The following EFCAB6 variants were observed in gnomAD, a reference collection of about 807,000 sequenced individuals.
EFCAB6 encodes EF-hand calcium binding domain 6.
Under a neutral mutation model 169.8 loss-of-function variants are expected in EFCAB6, and 156 were observed. That is an observed-to-expected ratio of 0.92 (90% CI 0.81 to 1.05). The LOEUF (loss-of-function observed/expected upper bound fraction) is 1.05. Ranked by LOEUF, EFCAB6 falls within the 50% of genes least tolerant of loss-of-function variation. The probability of loss-of-function intolerance (pLI) is 0.00; values close to 1 mark genes in which losing one functional copy is unlikely to be tolerated. For missense variants in EFCAB6, 1,800 were observed against 1,829.1 expected (o/e 0.98, Z 0.29); for synonymous variants, 698 against 676.4 (o/e 1.03, Z -0.50).
At chr22:43,531,230 G>C (rs1288241079) in intron 30 of EFCAB6, among the ~76,000 whole-genome samples, 1 of 152,186 alleles carries the variant, frequency 6.6e-6, no homozygotes, top group Admixed American at 6.5e-5. Context: ...CCGGAAAGAA[G>C]GCAGGTCTCT....
chr22:43,789,818 T>C (rs2062211479), intron 2 of EFCAB6, among the ~76,000 whole-genome samples: 2 of 149,320 alleles, frequency 1.3e-5, no homozygotes, highest in Non-Finnish European at 3.0e-5. Flanking sequence ...TACAGCATAA[T>C]TGTCTGAGGC....
At chr22:43,742,510 C>T (rs145090048) in intron 6 of EFCAB6, among the ~76,000 whole-genome samples, 3 of 152,302 alleles carry the variant, frequency 2.0e-5, no homozygotes, top group Admixed American at 6.5e-5. Flanking sequence ...TGCACAAACA[C>T]GAGGAAAAGC....
At chr22:43,655,087 A>G (rs1009925558) in intron 17 of EFCAB6, among the ~76,000 whole-genome samples, 7 of 151,912 alleles carry the variant, frequency 4.6e-5, no homozygotes, top group Non-Finnish European at 4.4e-5. Context: ...GTGAAACCCC[A>G]TCTCTACTAA....
chr22:43,587,130 A>T lies in EFCAB6; in HGVS notation c.3032+2944T>A, dbSNP rs192472218. 2.6e-5 allele frequency among the ~76,000 whole-genome samples: 4 copies of T among 152,300 alleles called. No homozygotes were observed. In the East Asian group the frequency reaches 7.7e-4, roughly 29 times the overall value. On this transcript the variant is annotated intron_variant, in intron 24 of 31. Coordinates refer to ENST00000262726, the MANE Select transcript of EFCAB6 (RefSeq NM_022785.4). The stretch of plus-strand genomic sequence containing the variant: ...AGGAGGAGTTAAAATAGGGTTGATT[A>T]AAAGACTGGGAAGCAAGCAGACCCC...
chr22:43,593,066 T>TAA (rs56287650), intron 23 of EFCAB6, among the ~76,000 whole-genome samples: 42,613 of 144,796 alleles, frequency 0.29, 6,506 homozygotes, highest in East Asian at 0.62. Flanking sequence ...GAGGAGGAGG[T>TAA]AAAAAAAAAA....
intron 23 of EFCAB6, among the ~76,000 whole-genome samples, chr22:43,591,133 T>G (rs1602469059): frequency 6.9e-6 from 1 of 144,942 alleles, no homozygotes; most frequent in African/African-American, 2.5e-5. Context: ...TGTTTTTTTT[T>G]TGTTTTTTTT....
At chr22:43,656,605 T>A (rs963188221) in intron 17 of EFCAB6, among the ~76,000 whole-genome samples, 2 of 152,204 alleles carry the variant, frequency 1.3e-5, no homozygotes, top group South Asian at 4.1e-4. Context: ...ATACTTATCA[T>A]TGCATTACAA....
At chr22:43,654,575 T>C (rs765067015) in intron 17 of EFCAB6, among the ~76,000 whole-genome samples, 11 of 152,324 alleles carry the variant, frequency 7.2e-5, no homozygotes, top group East Asian at 1.9e-4. Flanking sequence ...CAAATCCCAA[T>C]TGAGGGATGC....
intron 13 of EFCAB6, among the ~76,000 whole-genome samples, chr22:43,674,798 T>C (rs1311004395): frequency 1.3e-5 from 2 of 151,848 alleles, no homozygotes; most frequent in African/African-American, 2.4e-5. Flanking sequence ...AAGAAATGAG[T>C]CTTAGAGAGG....
intron 19 of EFCAB6, among the ~76,000 whole-genome samples, chr22:43,629,483 T>G (rs1301930990): frequency 2.0e-5 from 3 of 151,972 alleles, no homozygotes; most frequent in African/African-American, 7.3e-5. Flanking sequence ...CAGCATCAGG[T>G]GTGGTGTGTT....
At chr22:43,648,668 C>T (rs897860255) in intron 17 of EFCAB6, among the ~76,000 whole-genome samples, 19 of 152,238 alleles carry the variant, frequency 1.2e-4, no homozygotes, top group African/African-American at 3.8e-4. Flanking sequence ...CTGCAAAATA[C>T]CCACGTAACA....
intron 9 of EFCAB6, 59 bp from the exon 10 acceptor site, chr22:43,711,682 C>A: frequency 6.5e-7 from 1 of 1,543,212 alleles, no homozygotes; most frequent in South Asian, 1.3e-5. Context: ...TGGAGCTATT[C>A]AACCATTTTA....
intron 24 of EFCAB6, among the ~76,000 whole-genome samples, chr22:43,583,430 T>C (rs1195773682): frequency 2.6e-5 from 4 of 151,764 alleles, no homozygotes; most frequent in Non-Finnish European, 2.9e-5. Context: ...TTGTCTTTAT[T>C]TGACAAGGTA....
At chr22:43,735,830 T>C in intron 7 of EFCAB6, 27 bp downstream of exon 7, 1 of 1,609,972 alleles carries the variant, frequency 6.2e-7, no homozygotes, top group Non-Finnish European at 8.5e-7. Context: ...TACTGAGCAA[T>C]CTCTCACCGT....
intron 10 of EFCAB6, among the ~76,000 whole-genome samples, chr22:43,702,591 T>C (rs1165781676): frequency 6.6e-6 from 1 of 152,174 alleles, no homozygotes; most frequent in Non-Finnish European, 1.5e-5. Context: ...CATTCCAAGA[T>C]GCTTCCCAGG....
At chr22:43,659,476 T>C (rs2056903341) in intron 17 of EFCAB6, among the ~76,000 whole-genome samples, 2 of 152,016 alleles carry the variant, frequency 1.3e-5, no homozygotes, top group Admixed American at 6.6e-5. Context: ...CTGGGCAATA[T>C]AGTGAGACCT....
intron 23 of EFCAB6, among the ~76,000 whole-genome samples, chr22:43,599,765 G>C (rs945770232): frequency 8.6e-5 from 13 of 151,994 alleles, no homozygotes; most frequent in African/African-American, 3.1e-4. Context: ...ATTCTATTTG[G>C]GCCAAGGGCG....
At chr22:43,579,455 A>G (rs946894406) in intron 25 of EFCAB6, among the ~76,000 whole-genome samples, 5 of 150,038 alleles carry the variant, frequency 3.3e-5, no homozygotes, top group African/African-American at 1.2e-4. Context: ...TGCAAGCATC[A>G]TTCCATACAT....
At chr22:43,667,524 G>A (rs781651917) in intron 16 of EFCAB6, among the ~76,000 whole-genome samples, 2 of 152,170 alleles carry the variant, frequency 1.3e-5, no homozygotes, top group Admixed American at 6.5e-5. Flanking sequence ...CTGGGGACAG[G>A]GGAACTTGCA....
Sources: allele counts gnomAD v4.1 joint callset (sites outside exome capture counted in the v4.1 genomes callset), GRCh38; gene constraint gnomAD v4.1.1; transcripts MANE v1.5; gene names NCBI Gene and HGNC (gene_info 2026-07-23, HGNC 2026-07-21).